The following ZCCHC14 variants were observed in gnomAD, a reference collection of about 807,000 sequenced individuals.
ZCCHC14 encodes the protein zinc finger CCHC-type containing 14.
ZCCHC14 carries 16 observed loss-of-function variants against 85.0 expected under a neutral mutation model. The observed-to-expected ratio is 0.19, with a 90% CI of 0.13 to 0.29. The LOEUF (loss-of-function observed/expected upper bound fraction) is 0.29. ZCCHC14 is among the 10% of genes least tolerant of loss of function. The pLI, the probability that ZCCHC14 is intolerant of heterozygous loss-of-function variation, is 1.00. For missense variants in ZCCHC14, 1,303 were observed against 1,443.5 expected (o/e 0.90, Z 1.58); for synonymous variants, 775 against 630.7 (o/e 1.23, Z -3.43).
Position 87,491,410 on chromosome 16 carries a change from G to A in ZCCHC14, c.570+259C>T, listed in dbSNP as rs1912760819. On this transcript the variant is annotated intron_variant, in intron 1 of 12. Transcript: ENST00000671377. The surrounding 1 kb of genome is among the most constrained non-coding windows in gnomAD (Gnocchi z 5.9). Reference sequence around the variant, plus strand: ...GGCTTGGGATGTACGGCGGAGGCTTGGGATGTACGGCGGAGGCTTGGGATG... The same window carrying A: ...GGCTTGGGATGTACGGCGGAGGCTTAGGATGTACGGCGGAGGCTTGGGATG... Among the ~76,000 whole-genome samples the A allele has an allele frequency of 6.6e-6, 1 of 152,074 alleles. No homozygotes were observed. The highest frequency in any genetic ancestry group is 1.5e-5 in the Non-Finnish European group (1 of 68,004).
In ZCCHC14 at chr16:87,492,771, G is replaced by C. The variant is rs1351065527; in HGVS notation, c.-533C>G. On this transcript the variant is annotated 5_prime_UTR_variant, in exon 1 of 13. Coordinates refer to ENST00000671377, the MANE Select transcript of ZCCHC14 (RefSeq NM_015144.3). This position sits in a 1 kb window ranked among gnomAD's most constrained non-coding sequence, Gnocchi z 6.7. ...CCCGGGCCGCGGGCGCGGCGTCGCC[G>C]CCTGGGGAGCGCTGGGGGCCGCGGC... The C allele has an allele frequency of 2.0e-5, 3 of 146,506 alleles. No homozygotes were observed. The highest frequency in any genetic ancestry group is 7.4e-5 in the African/African-American group (3 of 40,802). 9.1% of individuals were successfully genotyped at this position (146,506 alleles called of 1,614,324 possible).
Position 87,412,737 on chromosome 16 carries a change from G to A in ZCCHC14, c.1984C>T (p.Leu662Phe). ...AGTGAGTGCACAGAAGACGAGAGGA[G>A]CTTCATGTCCGCGCTCCCTCTTTCC... ...KPERGSADMKLLSSSVHSLLS... is the reference protein window; with the variant it reads ...KPERGSADMKFLSSSVHSLLS... The change falls in exon 12 of 13, where the codon CTC becomes TTC. Residue 662 changes from leucine to phenylalanine, a missense_variant. Leu to Phe is a conservative substitution (Grantham distance 22, BLOSUM62 0). Coordinates refer to ENST00000671377, the MANE Select transcript of ZCCHC14 (RefSeq NM_015144.3). 6.2e-7 allele frequency: 1 copy of A among 1,614,214 alleles called. No individual in the cohort carries two copies. Among genetic ancestry groups the A allele is most frequent in the Non-Finnish European group, 8.5e-7 (1 of 1,180,030 alleles).
intron 1 of ZCCHC14, among the ~76,000 whole-genome samples, chr16:87,461,993 C>T (rs891453736): frequency 2.6e-5 from 4 of 152,134 alleles, no homozygotes; most frequent in East Asian, 3.9e-4. Flanking sequence ...TAAGGCCGGG[C>T]GCAGCAGCTC....
At chr16:87,426,897 C>T (rs118023103) in intron 3 of ZCCHC14, among the ~76,000 whole-genome samples, 7 of 152,286 alleles carry the variant, frequency 4.6e-5, no homozygotes, top group Non-Finnish European at 7.4e-5. Context: ...ACTGTCAGAG[C>T]CCAAGAGTTC....
rs551144934 is a variant in ZCCHC14, at chr16:87,461,749, A to T, written c.571-1618T>A. On this transcript the variant is annotated intron_variant, in intron 1 of 12. Coordinates refer to ENST00000671377, the MANE Select transcript of ZCCHC14 (RefSeq NM_015144.3). ...TGGAGACTGCTGCCACTCCGGCAGG[A>T]CCAGCACCTGCTGTATTCCACAGAC... is the stretch of plus-strand genomic sequence containing the variant. 1.1e-4 allele frequency among the ~76,000 whole-genome samples: 17 copies of T among 152,342 alleles called. No individual in the cohort carries two copies. In the South Asian group the frequency reaches 2.9e-3, roughly 26 times the overall value.
At chr16:87,468,424 TTC>T (rs1192185014) in intron 1 of ZCCHC14, among the ~76,000 whole-genome samples, 1 of 151,872 alleles carries the variant, frequency 6.6e-6, no homozygotes, top group Non-Finnish European at 1.5e-5. Flanking sequence ...TTAGAATATG[TTC>T]TTATATTACA....
At chr16:87,422,482 T>C (rs1389524280) in intron 4 of ZCCHC14, among the ~76,000 whole-genome samples, 2 of 151,558 alleles carry the variant, frequency 1.3e-5, no homozygotes, top group Admixed American at 6.6e-5. Flanking sequence ...ACCAGTACTC[T>C]GGGAGGCCGA....
intron 8 of ZCCHC14, among the ~76,000 whole-genome samples, chr16:87,415,915 T>A (rs1908757937): frequency 6.6e-6 from 1 of 152,118 alleles, no homozygotes; most frequent in African/African-American, 2.4e-5. Flanking sequence ...GCTCTTATTT[T>A]GTTTTTGTTT....
chr16:87,454,174 C>T (rs899340789), intron 2 of ZCCHC14, among the ~76,000 whole-genome samples: 3 of 151,850 alleles, frequency 2.0e-5, no homozygotes, highest in African/African-American at 7.3e-5. Context: ...TGGGACAAGA[C>T]CAAAGGTTTC....
intron 1 of ZCCHC14, among the ~76,000 whole-genome samples, chr16:87,483,725 A>T (rs1912391335): frequency 1.3e-5 from 2 of 152,334 alleles, no homozygotes; most frequent in Middle Eastern, 3.4e-3. Flanking sequence ...CAGGCCTTGT[A>T]TGTGGCTGTG....
In ZCCHC14 at chr16:87,492,488, C is replaced by A. The variant is rs990061614; in HGVS notation, c.-250G>T. ...GGGCGCCGGGGGGGCCCGGGGCGGC[C>A]GGGGCGGCCGGGGGCGGCGAGCGGC... is the stretch of plus-strand genomic sequence containing the variant. On this transcript the variant is annotated 5_prime_UTR_variant, in exon 1 of 13. Transcript: ENST00000671377. The surrounding 1 kb of genome is among the most constrained non-coding windows in gnomAD (Gnocchi z 6.7). 2 of 144,600 alleles carry A rather than the reference C, an allele frequency of 1.4e-5. No homozygotes were observed. The highest frequency in any genetic ancestry group is 2.1e-4 in the South Asian group (1 of 4,780). The allele number at this position is 144,600 out of a possible 1,614,324, so 9.0% of individuals were successfully genotyped here.
intron 2 of ZCCHC14, among the ~76,000 whole-genome samples, chr16:87,449,229 A>C (rs117545376): frequency 0.016 from 2,472 of 152,272 alleles, 25 homozygotes; most frequent in Middle Eastern, 0.044. Flanking sequence ...CATCTCTTAA[A>C]CCTGTTGTGG....
At position 87,411,903 on chromosome 16, in the gene ZCCHC14, T is replaced by A; in HGVS notation, c.2818A>T (p.Thr940Ser). 6.3e-7 allele frequency: 1 copy of A among 1,592,360 alleles called. No individual in the cohort carries two copies. The highest frequency in any genetic ancestry group is 8.5e-7 in the Non-Finnish European group (1 of 1,171,222). The change falls in exon 12 of 13, where the codon ACT becomes TCT. Residue 940 changes from threonine to serine, a missense_variant. Around this residue, in one of 7 missense-constraint regions of ZCCHC14, gnomAD observed 797 missense variants for 730.8 expected, o/e 1.09. Transcript: ENST00000671377. ...TGGAAGTAGTTGGCGTAGCTGACAG[T>A]CAGGCCACTCGAGCCGCAGCTGCCG... ...CSGSCGSSGL[T>S]VSYANYFQHP...
chr16:87,445,151 C>CT (rs1254697570), intron 2 of ZCCHC14, among the ~76,000 whole-genome samples: 5 of 151,458 alleles, frequency 3.3e-5, no homozygotes, highest in Non-Finnish European at 7.4e-5. Context: ...ACTGCAACCT[C>CT]TGCCTCCCAG....
chr16:87,474,633 T>C (rs1265005729), intron 1 of ZCCHC14, among the ~76,000 whole-genome samples: 1 of 152,160 alleles, frequency 6.6e-6, no homozygotes, highest in East Asian at 1.9e-4. Context: ...ACGGGTTTCT[T>C]GTCCTGGGGC....
At chr16:87,459,526 T>C (rs1911150500) in intron 2 of ZCCHC14, among the ~76,000 whole-genome samples, 1 of 150,518 alleles carries the variant, frequency 6.6e-6, no homozygotes, top group Non-Finnish European at 1.5e-5. Flanking sequence ...TTTTTTTTTT[T>C]CAGACGGAGT....
At chr16:87,440,753 T>C (rs1910143562) in intron 2 of ZCCHC14, among the ~76,000 whole-genome samples, 1 of 151,936 alleles carries the variant, frequency 6.6e-6, no homozygotes, top group South Asian at 2.1e-4. Flanking sequence ...TCTACAGGCA[T>C]GCATCACCAT....
chr16:87,423,383 TA>T (rs1029574887), intron 4 of ZCCHC14, among the ~76,000 whole-genome samples: 23 of 152,050 alleles, frequency 1.5e-4, no homozygotes, highest in Admixed American at 1.3e-3. Flanking sequence ...TCCAGTCTCT[TA>T]AAAAAATAAT....
At chr16:87,449,595 A>G (rs994828971) in intron 2 of ZCCHC14, among the ~76,000 whole-genome samples, 4 of 152,166 alleles carry the variant, frequency 2.6e-5, no homozygotes, top group African/African-American at 7.2e-5. Context: ...GTTTTCCGCC[A>G]AATGTCTTTC....
Sources: gnomAD v4.1 joint callset for allele counts (sites outside exome capture counted in the v4.1 genomes callset) on GRCh38, gnomAD v4.1.1 for gene constraint, gnomAD v4.1.1 regional missense constraint, Gnocchi (gnomAD v3.1) non-coding constraint, MANE v1.5 for transcripts, NCBI Gene and HGNC (gene_info 2026-07-23, HGNC 2026-07-21) for gene names.